The following DIXDC1 variants were observed in gnomAD, a reference collection of about 807,000 sequenced individuals.
DIXDC1 encodes dixin.
In DIXDC1, 64 loss-of-function variants were observed where a neutral mutation model predicts 103.1. That is an observed-to-expected ratio of 0.62 (90% confidence interval 0.51 to 0.76). The LOEUF (loss-of-function observed/expected upper bound fraction) is 0.76. Ranked by LOEUF, DIXDC1 falls within the 30% of genes least tolerant of loss-of-function variation. The pLI is 0.00. For missense variants in DIXDC1, 759 were observed against 834.2 expected (o/e 0.91, Z 1.11); for synonymous variants, 266 against 298.5 (o/e 0.89, Z 1.12).
Position 111,995,472 on chromosome 11 carries a change from C to T in DIXDC1, c.1597C>T (p.Gln533Ter), listed in dbSNP as rs1425697541. Residue 533 changes from glutamine (Q) to a stop codon, truncating the protein, a stop_gained, in exon 16 of 20, where the codon CAG becomes TAG. Transcript: ENST00000440460. LOFTEE classifies it high-confidence loss of function. ...LRNSFSGHDPQHHTIDSLEQG... is the reference protein window; with the variant it reads ...LRNSFSGHDP ...CAACAGCTTCAGTGGCCACGATCCT[C>T]AGCACCACACTATTGACAGCTTGGA... 2 of 1,614,008 alleles carry T rather than the reference C, an allele frequency of 1.2e-6. No homozygotes were observed. The highest frequency in any genetic ancestry group is 1.7e-6 in the Non-Finnish European group (2 of 1,179,910).
chr11:111,979,280 G>T (rs1473349071), intron 5 of DIXDC1, among the ~76,000 whole-genome samples: 1 of 152,150 alleles, frequency 6.6e-6, no homozygotes, highest in African/African-American at 2.4e-5. Flanking sequence ...CCTCCACCAT[G>T]CCTGGCTCTT....
At chr11:111,984,717 C>T (rs587627278) in intron 7 of DIXDC1, among the ~76,000 whole-genome samples, 1 of 152,250 alleles carries the variant, frequency 6.6e-6, no homozygotes, top group African/African-American at 2.4e-5. Flanking sequence ...GGACATCTCT[C>T]TGCAAATGTG....
At chr11:112,006,232 G>T (rs1429637983) in intron 17 of DIXDC1, among the ~76,000 whole-genome samples, 3 of 152,250 alleles carry the variant, frequency 2.0e-5, no homozygotes, top group African/African-American at 7.2e-5. Flanking sequence ...CTGGCAGGGG[G>T]AGGGGCACCT....
At chr11:111,985,561 G>C (rs1435848524) in intron 8 of DIXDC1, among the ~76,000 whole-genome samples, 1 of 152,082 alleles carries the variant, frequency 6.6e-6, no homozygotes, top group Non-Finnish European at 1.5e-5. Flanking sequence ...TAACAAAACA[G>C]ATCTAAGACC....
At chr11:112,018,669 A>G (rs1190252582) in intron 19 of DIXDC1, among the ~76,000 whole-genome samples, 1 of 152,194 alleles carries the variant, frequency 6.6e-6, no homozygotes, top group Non-Finnish European at 1.5e-5. Context: ...TTAACACTAC[A>G]TCTTTCCTCT....
rs1861731194 is a variant in DIXDC1 at position 112,020,755 on chromosome 11, GAGA to G, written c.*1722_*1724del. 1 of 152,236 alleles carries G rather than the reference GAGA, an allele frequency of 6.6e-6. No homozygotes were observed. Among genetic ancestry groups the G allele is most frequent in the Non-Finnish European group, 1.5e-5 (1 of 68,042 alleles). The allele number at this position is 152,236 out of a possible 1,614,324, so 9.4% of individuals were successfully genotyped here. ...TCCAGTTGATTGCTCCTCTGGCAGA[GAGA>G]AGGAGCTCAAAAGATACTTGATGTC... On this transcript the variant is annotated 3_prime_UTR_variant, in exon 20 of 20. Transcript: ENST00000440460.
chr11:111,950,601 G>A (rs948512118), intron 1 of DIXDC1, among the ~76,000 whole-genome samples: 5 of 150,610 alleles, frequency 3.3e-5, no homozygotes, highest in Admixed American at 6.6e-5. Context: ...GATTACAGGC[G>A]TGTGCCACCA....
chr11:111,929,528 A>T (rs587641759), intron 1 of DIXDC1, among the ~76,000 whole-genome samples: 2 of 144,050 alleles, frequency 1.4e-5, no homozygotes, highest in East Asian at 2.2e-4. Context: ...GGCTGCAGTG[A>T]GTTATGACAG....
intron 9 of DIXDC1, 75 bp downstream of exon 9, chr11:111,986,999 C>T: frequency 1.5e-6 from 2 of 1,310,694 alleles, no homozygotes; most frequent in Non-Finnish European, 1.1e-6. Context: ...GCCTGTAATC[C>T]CAGCACTTTG....
intron 2 of DIXDC1, among the ~76,000 whole-genome samples, chr11:111,931,643 A>T (rs1344793292): frequency 6.6e-6 from 1 of 152,194 alleles, no homozygotes; most frequent in South Asian, 2.1e-4. Context: ...ACTCCATCCC[A>T]AAATAAATAA....
Position 112,019,112 on chromosome 11 carries a change from C to A in DIXDC1, c.*76C>A, listed in dbSNP as rs1861682670. ...TTCACTCAGGAAAGGGAACTAAAAC[C>A]AGAATACACTAAGAAGTTTCTAGTT... On this transcript the variant is annotated 3_prime_UTR_variant, in exon 20 of 20. Transcript: ENST00000440460. 3 of 1,256,544 alleles carry A rather than the reference C, an allele frequency of 2.4e-6. No homozygotes were observed. The highest frequency in any genetic ancestry group is 2.0e-5 in the Admixed American group (1 of 51,236). The allele number at this position is 1,256,544 out of a possible 1,614,324, so 77.8% of individuals were successfully genotyped here. A position where few individuals can be genotyped will look rare whatever the true frequency, so the allele number is the denominator to read the frequency against.
In DIXDC1 at chr11:111,977,907, G is replaced by C; in HGVS notation, c.657-2830G>C. 7.2e-7 allele frequency: 1 copy of C among 1,390,588 alleles called. No homozygotes were observed. The highest frequency in any genetic ancestry group is 1.5e-5 in the South Asian group (1 of 67,042). The allele number at this position is 1,390,588 out of a possible 1,614,324, so 86.1% of individuals were successfully genotyped here. Reference sequence around the variant, plus strand: ...CGGGGTGGTGGGAGCATTATGTTGGGAGGACCGGCTGCTGACCAGGGGTTA... The same window carrying C: ...CGGGGTGGTGGGAGCATTATGTTGGCAGGACCGGCTGCTGACCAGGGGTTA... On this transcript the variant is annotated intron_variant, in intron 5 of 19. Transcript: ENST00000440460. This position sits in a 1 kb window ranked among gnomAD's most constrained non-coding sequence, Gnocchi z 6.1.
At chr11:112,015,714 A>G (rs1345835246) in intron 17 of DIXDC1, among the ~76,000 whole-genome samples, 4 of 150,186 alleles carry the variant, frequency 2.7e-5, no homozygotes, top group Admixed American at 6.6e-5. Flanking sequence ...AGGCACGAGA[A>G]TGACTTAAAC....
At chr11:111,949,795 T>A (rs1480144179) in intron 1 of DIXDC1, among the ~76,000 whole-genome samples, 1 of 152,240 alleles carries the variant, frequency 6.6e-6, no homozygotes, top group African/African-American at 2.4e-5. Flanking sequence ...CCATCACCTC[T>A]GCCCTTGTCC....
In DIXDC1 at chr11:111,977,162, C is replaced by A; in HGVS notation, c.656+2179C>A. The A allele has an allele frequency of 5.3e-5, 31 of 590,004 alleles. No homozygotes were observed. Among genetic ancestry groups the A allele is most frequent in the South Asian group, 1.5e-4 (2 of 13,686 alleles). The allele number at this position is 590,004 out of a possible 1,614,324, so 36.5% of individuals were successfully genotyped here. A position where few individuals can be genotyped will look rare whatever the true frequency, so the allele number is the denominator to read the frequency against. The stretch of plus-strand genomic sequence containing the variant: ...CTCGTCGACGTCCCCACCCCCACCT[C>A]CACCCCGCCCAGCCCCGCCCCTGGC... On this transcript the variant is annotated intron_variant, in intron 5 of 19. Coordinates refer to ENST00000440460, the MANE Select transcript of DIXDC1 (RefSeq NM_001037954.4). The surrounding 1 kb of genome is among the most constrained non-coding windows in gnomAD (Gnocchi z 6.1).
At chr11:111,930,035 T>C (rs1384016216) in intron 2 of DIXDC1, 2 of 864,092 alleles carry the variant, frequency 2.3e-6, no homozygotes, top group Admixed American at 6.5e-5. Flanking sequence ...ATATTTGTCT[T>C]TTTTTTTGCT....
chr11:111,955,754 G>A (rs1323738218), intron 1 of DIXDC1, among the ~76,000 whole-genome samples: 5 of 137,848 alleles, frequency 3.6e-5, no homozygotes, highest in East Asian at 2.1e-4. Flanking sequence ...AGAATTGCTC[G>A]AACCTGGAGG....
chr11:111,999,591 G>A (rs1316109980), intron 17 of DIXDC1, among the ~76,000 whole-genome samples: 2 of 152,214 alleles, frequency 1.3e-5, no homozygotes, highest in Admixed American at 6.5e-5. Flanking sequence ...TGGGCTGGGC[G>A]CAGTGCCTTA....
chr11:111,958,065 T>C lies in DIXDC1; in HGVS notation c.61-6484T>C, dbSNP rs1042776750. Reference sequence around the variant, plus strand: ...CTGTAGCTGCAGACCTGGGCATCCCTGTGCTCTTGGGGGCCAGGAGCAGGC... The same window carrying C: ...CTGTAGCTGCAGACCTGGGCATCCCCGTGCTCTTGGGGGCCAGGAGCAGGC... On this transcript the variant is annotated intron_variant, in intron 1 of 19. Coordinates refer to ENST00000440460, the MANE Select transcript of DIXDC1 (RefSeq NM_001037954.4). The surrounding 1 kb of genome is among the most constrained non-coding windows in gnomAD (Gnocchi z 4.2). Among the ~76,000 whole-genome samples, 1 of 152,042 alleles carries C rather than the reference T, an allele frequency of 6.6e-6. No individual in the cohort carries two copies. The highest frequency in any genetic ancestry group is 6.5e-5 in the Admixed American group (1 of 15,270).
Sources: gnomAD v4.1 joint callset for allele counts (sites outside exome capture counted in the v4.1 genomes callset) on GRCh38, gnomAD v4.1.1 for gene constraint, Gnocchi (gnomAD v3.1) non-coding constraint, MANE v1.5 for transcripts, NCBI Gene and HGNC (gene_info 2026-07-23, HGNC 2026-07-21) for gene names.